The following MIPEP variants were observed in gnomAD, a reference collection of about 807,000 sequenced individuals.
The protein encoded by MIPEP is mitochondrial intermediate peptidase.
In MIPEP, 79 loss-of-function variants were observed where a neutral mutation model predicts 90.3. The ratio of observed to expected loss-of-function variants is 0.87; its 90% CI spans 0.73 to 1.05. The LOEUF (loss-of-function observed/expected upper bound fraction) is 1.05, where lower values mean the gene tolerates loss of function less well. Ranked by LOEUF, MIPEP falls within the 50% of genes least tolerant of loss-of-function variation. MIPEP has a pLI of 0.00. For missense variants in MIPEP, 940 were observed against 905.6 expected (o/e 1.04, Z -0.49); for synonymous variants, 334 against 315.8 (o/e 1.06, Z -0.61).
intron 3 of MIPEP, among the ~76,000 whole-genome samples, chr13:23,880,741 G>C (rs1208774792): frequency 6.6e-6 from 1 of 152,224 alleles, no homozygotes; most frequent in Non-Finnish European, 1.5e-5. Flanking sequence ...TATGGGAAAA[G>C]TCACACACGA....
Position 23,839,647 on chromosome 13 carries a change from A to G in MIPEP, c.1338+2T>C, listed in dbSNP as rs955702099. 1 of 1,608,622 alleles carries G rather than the reference A, an allele frequency of 6.2e-7. No individual in the cohort carries two copies. Among genetic ancestry groups the G allele is most frequent in the African/African-American group, 1.3e-5 (1 of 74,724 alleles). On this transcript the variant is annotated splice_donor_variant, in intron 12 of 18. Coordinates refer to ENST00000382172, the MANE Select transcript of MIPEP (RefSeq NM_005932.4). LOFTEE classifies it high-confidence loss of function. ...GAGACCAGTTTATAAAGAAAGGATC[A>G]CCTGATGTGGTTTGTCTGCTCGCTG... is the stretch of plus-strand genomic sequence containing the variant.
intron 14 of MIPEP, among the ~76,000 whole-genome samples, chr13:23,828,404 A>C (rs1254873171): frequency 6.6e-6 from 1 of 152,250 alleles, no homozygotes; most frequent in Admixed American, 6.5e-5. Context: ...TTTTAGCAGA[A>C]GTAATTATCT....
chr13:23,810,463 T>C (rs1953159630), intron 14 of MIPEP, among the ~76,000 whole-genome samples: 1 of 152,236 alleles, frequency 6.6e-6, no homozygotes, highest in Non-Finnish European at 1.5e-5. Flanking sequence ...CTTAGTTTAA[T>C]GTCCCTATGT....
At chr13:23,783,771 A>G (rs928059741) in intron 16 of MIPEP, among the ~76,000 whole-genome samples, 1 of 152,190 alleles carries the variant, frequency 6.6e-6, no homozygotes, top group Non-Finnish European at 1.5e-5. Context: ...TACAAAATCA[A>G]TGTGCAAAAA....
intron 6 of MIPEP, 65 bp downstream of exon 6, chr13:23,869,948 T>A: frequency 2.3e-6 from 3 of 1,323,052 alleles, no homozygotes; most frequent in Non-Finnish European, 3.0e-6. Flanking sequence ...TCACTGAATT[T>A]TGGGTTAAAA....
At chr13:23,791,085 C>T (rs1159606432) in intron 16 of MIPEP, among the ~76,000 whole-genome samples, 2 of 152,176 alleles carry the variant, frequency 1.3e-5, no homozygotes, top group African/African-American at 4.8e-5. Context: ...TCCAAATGTT[C>T]ACCAGGCCAG....
At chr13:23,867,206 GCCGCC>G (rs2137511834) in intron 7 of MIPEP, among the ~76,000 whole-genome samples, 1 of 152,194 alleles carries the variant, frequency 6.6e-6, no homozygotes, top group Admixed American at 6.5e-5. Flanking sequence ...TCTACTTAAT[GCCGCC>G]CCTTGTCAGT....
intron 2 of MIPEP, among the ~76,000 whole-genome samples, chr13:23,883,464 C>T (rs951141348): frequency 1.4e-4 from 21 of 152,234 alleles, no homozygotes; most frequent in South Asian, 2.1e-4. Context: ...CCCACAGATA[C>T]CCGAATCCAC....
intron 13 of MIPEP, among the ~76,000 whole-genome samples, chr13:23,837,093 A>G (rs900376369): frequency 6.6e-6 from 1 of 152,230 alleles, no homozygotes; most frequent in Non-Finnish European, 1.5e-5. Flanking sequence ...ACAAAGCAGA[A>G]CTATGATTTT....
At chr13:23,809,707 G>T in intron 15 of MIPEP, 143 bp downstream of exon 15, 2 of 576,114 alleles carry the variant, frequency 3.5e-6, no homozygotes, top group South Asian at 2.5e-5. Flanking sequence ...AGTCAATTTT[G>T]GTCAAGTTCT....
chr13:23,761,734 C>T (rs1318511340), intron 16 of MIPEP, among the ~76,000 whole-genome samples: 1 of 152,222 alleles, frequency 6.6e-6, no homozygotes, highest in Non-Finnish European at 1.5e-5. Context: ...AAAGGCTACA[C>T]TTAGGACTTT....
intron 15 of MIPEP, among the ~76,000 whole-genome samples, chr13:23,806,637 C>T (rs904706500): frequency 1.4e-4 from 21 of 151,834 alleles, no homozygotes; most frequent in African/African-American, 4.8e-4. Flanking sequence ...GAGATTGCTC[C>T]ACTGCACTCC....
At chr13:23,824,156 G>A (rs1351164226) in intron 14 of MIPEP, among the ~76,000 whole-genome samples, 1 of 152,152 alleles carries the variant, frequency 6.6e-6, no homozygotes. Context: ...TGAATTCTCT[G>A]AATATTTTGT....
At chr13:23,755,534 T>G (rs1313806044) in intron 18 of MIPEP, among the ~76,000 whole-genome samples, 1 of 152,220 alleles carries the variant, frequency 6.6e-6, no homozygotes, top group East Asian at 1.9e-4. Context: ...TTATTTCCTA[T>G]ATGCACTTTT....
chr13:23,869,563 AAAGC>A, intron 6 of MIPEP, 115 bp from the exon 7 acceptor site: 1 of 992,124 alleles, frequency 1.0e-6, no homozygotes, highest in South Asian at 2.0e-5. Flanking sequence ...CTTTCAAAAT[AAAGC>A]AATGGTCTAC....
At chr13:23,828,424 A>G in intron 14 of MIPEP, among the ~76,000 whole-genome samples, 1 of 152,236 alleles carries the variant, frequency 6.6e-6, no homozygotes, top group East Asian at 1.9e-4. Context: ...TGGTTAAAAA[A>G]GCTTGTAAAA....
intron 17 of MIPEP, among the ~76,000 whole-genome samples, chr13:23,759,323 C>T (rs1952515909): frequency 6.6e-6 from 1 of 151,898 alleles, no homozygotes; most frequent in Non-Finnish European, 1.5e-5. Context: ...AACCCTCGCA[C>T]CCTTCACCCA....
chr13:23,830,894 G>A (rs1037612318), intron 14 of MIPEP, among the ~76,000 whole-genome samples: 1 of 152,164 alleles, frequency 6.6e-6, no homozygotes, highest in Admixed American at 6.5e-5. Context: ...CAAACACACT[G>A]GGACTGGCAG....
chr13:23,836,186 T>A, intron 14 of MIPEP, 54 bp downstream of exon 14: 1 of 1,181,598 alleles, frequency 8.5e-7, no homozygotes, highest in Non-Finnish European at 1.2e-6. Context: ...CAGGATGTCA[T>A]AAACGCCAAC....
Sources: gnomAD v4.1 joint callset for allele counts (sites outside exome capture counted in the v4.1 genomes callset) on GRCh38, gnomAD v4.1.1 for gene constraint, MANE v1.5 for transcripts, NCBI Gene and HGNC (gene_info 2026-07-23, HGNC 2026-07-21) for gene names.